The following SH3GL2 variants were observed in gnomAD, a reference collection of about 807,000 sequenced individuals.
The protein encoded by SH3GL2 is SH3 domain containing GRB2 like 2, endophilin A1.
A neutral mutation model predicts 46.0 loss-of-function variants in SH3GL2; 24 were observed. The ratio of observed to expected loss-of-function variants is 0.52; its 90% CI spans 0.38 to 0.73. SH3GL2 has a LOEUF of 0.73. Ranked by LOEUF, SH3GL2 falls within the 30% of genes least tolerant of loss-of-function variation. The pLI, the probability that SH3GL2 is intolerant of heterozygous loss-of-function variation, is 0.00. For synonymous variants in SH3GL2, 196 were observed against 147.1 expected, an observed-to-expected ratio of 1.33 and a Z score of -2.40; for missense variants, 413 against 424.2, an observed-to-expected ratio of 0.97 and a Z score of 0.23.
intron 1 of SH3GL2, among the ~76,000 whole-genome samples, chr9:17,612,702 GTGTACTGT>G (rs1818896957): frequency 6.6e-6 from 1 of 152,176 alleles, no homozygotes; most frequent in African/African-American, 2.4e-5. Context: ...CCTATTGAAA[GTGTACTGT>G]TTAAACCACT....
At chr9:17,675,384 G>T (rs1356264539) in intron 1 of SH3GL2, among the ~76,000 whole-genome samples, 1 of 152,154 alleles carries the variant, frequency 6.6e-6, no homozygotes, top group Non-Finnish European at 1.5e-5. Context: ...TCTTTCTTGA[G>T]ATAAAGTAGT....
intron 3 of SH3GL2, among the ~76,000 whole-genome samples, chr9:17,775,043 A>T (rs1823602747): frequency 6.6e-6 from 1 of 152,078 alleles, no homozygotes; most frequent in South Asian, 2.1e-4. Context: ...TGTCCATTTC[A>T]TTTAGGTTAT....
At position 17,733,981 on chromosome 9, in the gene SH3GL2, A is replaced by T. The variant is rs1279298280; in HGVS notation, c.46-13085A>T. On this transcript the variant is annotated intron_variant, in intron 1 of 8. Coordinates refer to ENST00000380607, the MANE Select transcript of SH3GL2 (RefSeq NM_003026.5). ...CCTCTGCTTGCCAGCTTAGTGAACCAGTGTACTAAAGAACTCTGGTAACAT... is the reference window on the plus strand; with the variant it reads ...CCTCTGCTTGCCAGCTTAGTGAACCTGTGTACTAAAGAACTCTGGTAACAT... 3.3e-5 allele frequency among the ~76,000 whole-genome samples: 5 copies of T among 152,038 alleles called. No homozygotes were observed. In the East Asian group the frequency reaches 9.7e-4, roughly 30 times the overall value.
intron 3 of SH3GL2, among the ~76,000 whole-genome samples, chr9:17,763,480 C>T (rs774422915): frequency 6.6e-6 from 1 of 152,008 alleles, no homozygotes; most frequent in Admixed American, 6.6e-5. Flanking sequence ...AAGAAGGCCA[C>T]GTGAAGAATG....
chr9:17,666,071 A>G (rs1588217359), intron 1 of SH3GL2, among the ~76,000 whole-genome samples: 1 of 151,604 alleles, frequency 6.6e-6, no homozygotes. Flanking sequence ...AAAATATTTA[A>G]AATTTCTACC....
intron 6 of SH3GL2, chr9:17,790,478 T>C: frequency 1.1e-6 from 1 of 944,672 alleles, no homozygotes; most frequent in Non-Finnish European, 1.3e-6. Flanking sequence ...TAGGTTTTTG[T>C]TTATGTAAAA....
chr9:17,794,150 A>G (rs1222221593), intron 8 of SH3GL2, among the ~76,000 whole-genome samples: 1 of 152,214 alleles, frequency 6.6e-6, no homozygotes, highest in East Asian at 1.9e-4. Flanking sequence ...CATACCAAAT[A>G]GAGCATTCTT....
intron 2 of SH3GL2, among the ~76,000 whole-genome samples, chr9:17,753,956 T>C (rs1822918963): frequency 6.6e-6 from 1 of 152,206 alleles, no homozygotes; most frequent in African/African-American, 2.4e-5. Context: ...ATTGTTTGAT[T>C]TTTGTCAGAT....
At chr9:17,701,876 T>C (rs1297314615) in intron 1 of SH3GL2, among the ~76,000 whole-genome samples, 1 of 152,136 alleles carries the variant, frequency 6.6e-6, no homozygotes, top group East Asian at 1.9e-4. Flanking sequence ...AGGAGTCAGC[T>C]TTCTCTAAGT....
chr9:17,624,728 C>T lies in SH3GL2; in HGVS notation c.45+45441C>T, dbSNP rs1248249961. Among the ~76,000 whole-genome samples, 3 of 152,304 alleles carry T rather than the reference C, an allele frequency of 2.0e-5. No homozygotes were observed. In the East Asian group the frequency reaches 5.8e-4, roughly 29 times the overall value. On this transcript the variant is annotated intron_variant, in intron 1 of 8. Coordinates refer to ENST00000380607, the MANE Select transcript of SH3GL2 (RefSeq NM_003026.5). ...TTTCTGGCATAACAATGTGATCAGG[C>T]TCATCTTGTATATACTCTAGCCCTG...
intron 1 of SH3GL2, among the ~76,000 whole-genome samples, chr9:17,710,674 A>G (rs145807615): frequency 1.2e-3 from 186 of 152,136 alleles, no homozygotes; most frequent in African/African-American, 4.2e-3. Flanking sequence ...AAAATGTGGT[A>G]TATATATGTG....
chr9:17,608,785 G>A (rs1362419532), intron 1 of SH3GL2, among the ~76,000 whole-genome samples: 3 of 152,198 alleles, frequency 2.0e-5, no homozygotes, highest in African/African-American at 4.8e-5. Flanking sequence ...TTGAAATTAG[G>A]TAGGGGGAAC....
chr9:17,587,940 T>C (rs1319442856), intron 1 of SH3GL2, among the ~76,000 whole-genome samples: 1 of 151,986 alleles, frequency 6.6e-6, no homozygotes, highest in Non-Finnish European at 1.5e-5. Flanking sequence ...AATAGGCTTC[T>C]GATGTGTTTT....
chr9:17,681,798 C>G (rs1436096998), intron 1 of SH3GL2, among the ~76,000 whole-genome samples: 2 of 152,068 alleles, frequency 1.3e-5, no homozygotes, highest in Non-Finnish European at 2.9e-5. Context: ...TTTTTGTAAT[C>G]TACCCATCTG....
intron 4 of SH3GL2, among the ~76,000 whole-genome samples, chr9:17,787,046 A>T (rs1466705515): frequency 1.3e-5 from 2 of 151,938 alleles, no homozygotes; most frequent in Admixed American, 1.3e-4. Context: ...TCCTGGTTGA[A>T]CCCGGCTATT....
At chr9:17,697,607 A>G (rs1178848879) in intron 1 of SH3GL2, among the ~76,000 whole-genome samples, 2 of 152,176 alleles carry the variant, frequency 1.3e-5, no homozygotes, top group African/African-American at 4.8e-5. Flanking sequence ...ATGCAAAGCA[A>G]CATGTTTAGT....
intron 3 of SH3GL2, among the ~76,000 whole-genome samples, chr9:17,765,735 C>T (rs1284498102): frequency 6.6e-6 from 1 of 152,096 alleles, no homozygotes; most frequent in Non-Finnish European, 1.5e-5. Context: ...TGTCACTGTC[C>T]CTCTTGTAAT....
intron 3 of SH3GL2, among the ~76,000 whole-genome samples, chr9:17,782,895 T>C (rs1258005411): frequency 2.6e-5 from 4 of 152,172 alleles, no homozygotes; most frequent in Non-Finnish European, 4.4e-5. Context: ...GTATTAGGGC[T>C]GCTGCTTCAA....
intron 2 of SH3GL2, among the ~76,000 whole-genome samples, chr9:17,758,033 ATGACTTCAGAATG>A (rs1425547500): frequency 6.6e-6 from 1 of 152,200 alleles, no homozygotes; most frequent in Non-Finnish European, 1.5e-5. Flanking sequence ...CTACTGGCAG[ATGACTTCAGAATG>A]TGACTAATCA....
Sources: gnomAD v4.1 joint callset for allele counts (sites outside exome capture counted in the v4.1 genomes callset) on GRCh38, gnomAD v4.1.1 for gene constraint, MANE v1.5 for transcripts, NCBI Gene and HGNC (gene_info 2026-07-23, HGNC 2026-07-21) for gene names.